The following FAM86B1 variants were observed in gnomAD, a reference collection of about 807,000 sequenced individuals.
FAM86B1 encodes the protein family with sequence similarity 86 member B1 (gene/pseudogene), also known as putative protein N-methyltransferase FAM86B1.
For synonymous variants in FAM86B1, 4 were observed against 137.6 expected (o/e 0.03, Z 6.79); for missense variants, 13 against 328.1 (o/e 0.04, Z 7.42).
At chr8:12,194,761 CG>C (rs1807544924), upstream of FAM86B1, 1 of 148,792 alleles carries the variant, frequency 6.7e-6, no homozygotes, top group Non-Finnish European at 1.4e-5. Flanking sequence ...ACTGGGAGGC[CG>C]GTTGGGGCTG....
intron 1 of FAM86B1, among the ~76,000 whole-genome samples, chr8:12,192,923 G>A (rs62494604): frequency 5.4e-5 from 8 of 148,190 alleles, no homozygotes; most frequent in Admixed American, 4.7e-4. Flanking sequence ...GAAAACAATA[G>A]CACAGAGAGA....
intron 1 of FAM86B1, among the ~76,000 whole-genome samples, chr8:12,192,551 GCCA>G (rs1256114396): frequency 7.6e-6 from 1 of 130,848 alleles, no homozygotes; most frequent in African/African-American, 3.6e-5. Flanking sequence ...CAGTTCAAAT[GCCA>G]CCTCTTTGGG....
chr8:12,183,149 GGCAGC>G lies in FAM86B1; in HGVS notation c.*452_*456del. 1.7e-5 allele frequency: 2 copies of G among 114,780 alleles called. No homozygotes were observed. The highest frequency in any genetic ancestry group is 3.8e-5 in the Non-Finnish European group (2 of 52,972). 7.1% of individuals were successfully genotyped at this position (114,780 alleles called of 1,614,324 possible). ...AGGAACCGAGTGTGTCCAGGGATGT[GGCAGC>G]TGCAGCGGGCTTGGCTTTGTGAGGA... On this transcript the variant is annotated 3_prime_UTR_variant, in exon 7 of 7. Transcript: ENST00000448228.
At chr8:12,191,043 C>T (rs1806774459) in intron 2 of FAM86B1, among the ~76,000 whole-genome samples, 1 of 149,208 alleles carries the variant, frequency 6.7e-6, no homozygotes, top group Admixed American at 6.7e-5. Context: ...GTCTTCCCTG[C>T]TGTGGCTGCA....
At chr8:12,192,486 G>A (rs1259113154) in intron 1 of FAM86B1, among the ~76,000 whole-genome samples, 1 of 129,254 alleles carries the variant, frequency 7.7e-6, no homozygotes, top group African/African-American at 3.7e-5. Context: ...CAGGGCCTTT[G>A]CATATCTTGT....
chr8:12,185,284 CT>C, intron 6 of FAM86B1, 91 bp downstream of exon 6: 1 of 1,536,158 alleles, frequency 6.5e-7, no homozygotes, highest in Non-Finnish European at 8.8e-7. Flanking sequence ...AGCATCCTAG[CT>C]TTTCCCCAGC....
rs1805066013 is a variant in FAM86B1, at chr8:12,182,469, G to A, written c.*1137C>T. On this transcript the variant is annotated 3_prime_UTR_variant, in exon 7 of 7. Transcript: ENST00000448228. ...GTGAAGGGTCTCAAGTCCAAGTGAG[G>A]GAGTTAGGGACTTGGGAGGGGTTGT... is the stretch of plus-strand genomic sequence containing the variant. 3.1e-6 allele frequency: 4 copies of A among 1,277,162 alleles called. No individual in the cohort carries two copies. Among genetic ancestry groups the A allele is most frequent in the Admixed American group, 2.1e-5 (1 of 48,304 alleles). The allele number at this position is 1,277,162 out of a possible 1,614,324, so 79.1% of individuals were successfully genotyped here. A position where few individuals can be genotyped will look rare whatever the true frequency, so the allele number is the denominator to read the frequency against.
At chr8:12,194,926 G>C (rs546397511), upstream of FAM86B1, 7 of 151,738 alleles carry the variant, frequency 4.6e-5, no homozygotes, top group African/African-American at 1.8e-4. Context: ...GCAGGCCCAG[G>C]AGCGAGCCCA....
chr8:12,192,801 A>G (rs1206352735), intron 1 of FAM86B1, among the ~76,000 whole-genome samples: 1 of 150,230 alleles, frequency 6.7e-6, no homozygotes, highest in East Asian at 1.9e-4. Context: ...AACACTAGCT[A>G]ACACCGACAT....
chr8:12,189,298 AT>A (rs1806409186), intron 3 of FAM86B1, among the ~76,000 whole-genome samples: 2 of 78,864 alleles, frequency 2.5e-5, no homozygotes, highest in African/African-American at 5.5e-5. Context: ...AAATAAATAA[AT>A]AAGTAAAAAA....
Position 12,193,244 on chromosome 8 carries a change from T to C in FAM86B1, c.96+731A>G, listed in dbSNP as rs370266779. Among the ~76,000 whole-genome samples, 145 of 145,882 alleles carry C rather than the reference T, an allele frequency of 9.9e-4. 1 individual carries two copies. The East Asian group carries it at 0.028, about 28-fold the overall frequency. On this transcript the variant is annotated intron_variant, in intron 1 of 6. Transcript: ENST00000448228. ...CCAGAAATGATCTCTGAGTGCTAAA[T>C]ATTTTATGTCAATGGAATAACACAA...
intron 1 of FAM86B1, among the ~76,000 whole-genome samples, chr8:12,193,203 C>T (rs1807221482): frequency 6.9e-6 from 1 of 145,162 alleles, no homozygotes; most frequent in Non-Finnish European, 1.5e-5. Flanking sequence ...GTTAAAAATG[C>T]ACACATTTCT....
chr8:12,189,257 TATAA>T (rs777926231), intron 3 of FAM86B1, among the ~76,000 whole-genome samples: 2,797 of 81,114 alleles, frequency 0.034, 4 homozygotes, highest in East Asian at 0.052. Flanking sequence ...AAAAAAAATA[TATAA>T]ATAAATAAAT....
chr8:12,187,206 A>ATT lies in FAM86B1; in HGVS notation c.241-375_241-374dup, dbSNP rs138357947. Among the ~76,000 whole-genome samples, 30 of 17,138 alleles carry ATT rather than the reference A, an allele frequency of 1.8e-3. 1 individual carries two copies. The highest frequency in any genetic ancestry group is 2.9e-3 in the African/African-American group (29 of 10,058). The allele number at this position is 17,138 out of a possible 152,430, so 11.2% of individuals were successfully genotyped here. ...GTTTTCTGTATCTATGTTTTATCTC[A>ATT]TTTTTTTTTTTTTTTTGAGCTCTGT... On this transcript the variant is annotated intron_variant, in intron 3 of 6. Transcript: ENST00000448228.
intron 5 of FAM86B1, 98 bp downstream of exon 5, chr8:12,186,254 A>C (rs1805790470): frequency 8.7e-7 from 1 of 1,154,636 alleles, no homozygotes; most frequent in Non-Finnish European, 1.1e-6. Flanking sequence ...CATCACATCC[A>C]TGCCCGACAG....
rs532348635 is a variant in FAM86B1 at position 12,192,953 on chromosome 8, T to C, written c.96+1022A>G. Among the ~76,000 whole-genome samples the C allele has an allele frequency of 1.1e-4, 16 of 145,562 alleles. No homozygotes were observed. The South Asian group carries it at 3.2e-3, about 29-fold the overall frequency. On this transcript the variant is annotated intron_variant, in intron 1 of 6. Transcript: ENST00000448228. ...GAGAGATACAGTCACTTGCCCAAGG[T>C]CACACAGGGCCAGGGGTTGGGCCAG...
chr8:12,184,114 G>T (rs966350929), intron 6 of FAM86B1, among the ~76,000 whole-genome samples: 1 of 57,316 alleles, frequency 1.7e-5, no homozygotes, highest in African/African-American at 1.3e-4. Context: ...TATGTGTGCT[G>T]CTTGGCACTG....
Position 12,188,014 on chromosome 8 carries a change from TTGTC to T in FAM86B1, c.241-1185_241-1182del. 1.3e-5 allele frequency: 9 copies of T among 691,768 alleles called. 1 individual carries two copies. The highest frequency in any genetic ancestry group is 1.2e-4 in the East Asian group (3 of 25,102). The allele number at this position is 691,768 out of a possible 1,614,324, so 42.9% of individuals were successfully genotyped here. A position where few individuals can be genotyped will look rare whatever the true frequency, so the allele number is the denominator to read the frequency against. On this transcript the variant is annotated intron_variant, in intron 3 of 6. Transcript: ENST00000448228. ...TTGAACCCACACCCACGTTTTCACT[TTGTC>T]TGTGCAGGAAGGGTATCTGGGCTGT...
At chr8:12,191,133 G>T (rs538580635) in intron 2 of FAM86B1, among the ~76,000 whole-genome samples, 2 of 117,140 alleles carry the variant, frequency 1.7e-5, no homozygotes, top group African/African-American at 3.7e-5. Flanking sequence ...CTGGGTGGGT[G>T]GGCGTGGAGG....
Sources: allele counts gnomAD v4.1 joint callset (sites outside exome capture counted in the v4.1 genomes callset), GRCh38; gene constraint gnomAD v4.1.1; transcripts MANE v1.5; gene names NCBI Gene and HGNC (gene_info 2026-07-23, HGNC 2026-07-21).